CPVL: variants seen among roughly 807,000 people sequenced by gnomAD.
The protein encoded by CPVL is probable serine carboxypeptidase CPVL.
CPVL carries 51 observed loss-of-function variants against 63.7 expected under a neutral mutation model. The ratio of observed to expected loss-of-function variants is 0.80; its 90% CI spans 0.64 to 1.01. The LOEUF (loss-of-function observed/expected upper bound fraction) is 1.01, where lower values mean the gene tolerates loss of function less well. Among genes scored for constraint, CPVL ranks in the 50% least tolerant of loss-of-function variants. The pLI, the probability that CPVL is intolerant of heterozygous loss-of-function variation, is 0.00. For missense variants in CPVL, 530 were observed against 573.1 expected, an observed-to-expected ratio of 0.92 and a Z score of 0.77; for synonymous variants, 195 against 206.0, an observed-to-expected ratio of 0.95 and a Z score of 0.46.
chr7:29,194,461 G>A, intron 1 of CPVL: 1 of 155,546 alleles, frequency 6.4e-6, no homozygotes, highest in Non-Finnish European at 1.4e-5. Flanking sequence ...GGAGAAGGGG[G>A]AGGTCGCTCT....
intron 2 of CPVL, among the ~76,000 whole-genome samples, chr7:29,119,342 C>T (rs1264395947): frequency 6.6e-6 from 1 of 152,122 alleles, no homozygotes; most frequent in African/African-American, 2.4e-5. Flanking sequence ...TAAAAATTAG[C>T]CGGGCGTGGT....
At chr7:29,057,872 C>T (rs559479965) in intron 11 of CPVL, among the ~76,000 whole-genome samples, 33 of 152,224 alleles carry the variant, frequency 2.2e-4, no homozygotes, top group African/African-American at 6.5e-4. Context: ...TTTGCCTATT[C>T]TTTTGCCAAT....
At chr7:29,126,229 G>A (rs1330023310) in intron 1 of CPVL, 1 of 152,142 alleles carries the variant, frequency 6.6e-6, no homozygotes, top group African/African-American at 2.4e-5. Flanking sequence ...TTCCAACTAT[G>A]TGTTCAGTAA....
At chr7:29,010,012 C>A (rs544248865) in intron 12 of CPVL, 1 of 152,168 alleles carries the variant, frequency 6.6e-6, no homozygotes, top group Non-Finnish European at 1.5e-5. Context: ...TTTTTCTTCT[C>A]CCCTACACAG....
chr7:29,112,807 A>G lies in CPVL; in HGVS notation c.185T>C (p.Leu62Ser). 1.9e-6 allele frequency: 3 copies of G among 1,612,828 alleles called. No homozygotes were observed. Among genetic ancestry groups the G allele is most frequent in the Non-Finnish European group, 2.5e-6 (3 of 1,179,216 alleles). ...GTTCAGTCCTGGGAAAGGGCCGACCAAACTCAATTCTCTTCCTAGTGGGGG... is the reference window on the plus strand; with the variant it reads ...GTTCAGTCCTGGGAAAGGGCCGACCGAACTCAATTCTCTTCCTAGTGGGGG... ...GKIQKGRELS[L>S]VGPFPGLNMK... Residue 62 changes from leucine to serine, a missense_variant, in exon 3 of 13, where the codon TTG (leucine) becomes TCG (serine). Leu to Ser is a moderately radical substitution (Grantham distance 145). Coordinates refer to ENST00000265394, the MANE Select transcript of CPVL (RefSeq NM_031311.5).
At position 29,066,085 on chromosome 7, in the gene CPVL, C is replaced by G. The variant is rs1490147673; in HGVS notation, c.901G>C (p.Asp301His). The change falls in exon 10 of 13, where the codon GAT becomes CAT. Residue 301 changes from aspartate (D) to histidine (H), a missense_variant. Physicochemically the swap from Asp to His is moderately conservative, Grantham distance 81 (BLOSUM62 -1). Transcript: ENST00000265394. ...DKLLDGDLTS[D>H]PSYFQNVTGC... Reference sequence around the variant, plus strand: ...GTAACATTCTGGAAGTAAGAAGGATCACTTGTTAAGTCGCCATCTAGTAGT... The same window carrying G: ...GTAACATTCTGGAAGTAAGAAGGATGACTTGTTAAGTCGCCATCTAGTAGT... 1 of 1,606,690 alleles carries G rather than the reference C, an allele frequency of 6.2e-7. No homozygotes were observed. The highest frequency in any genetic ancestry group is 2.2e-5 in the East Asian group (1 of 44,564).
At chr7:29,051,950 A>ATG (rs1790212921) in intron 11 of CPVL, among the ~76,000 whole-genome samples, 1 of 149,326 alleles carries the variant, frequency 6.7e-6, no homozygotes, top group Non-Finnish European at 1.5e-5. Flanking sequence ...ATATATGAAT[A>ATG]TATATATATG....
intron 12 of CPVL, among the ~76,000 whole-genome samples, chr7:29,004,372 T>C (rs1342897838): frequency 6.6e-6 from 1 of 152,138 alleles, no homozygotes; most frequent in African/African-American, 2.4e-5. Flanking sequence ...GTTAGCCTTA[T>C]TTCACCAGAT....
intron 3 of CPVL, among the ~76,000 whole-genome samples, chr7:29,100,056 C>T (rs1786936068): frequency 1.3e-5 from 2 of 152,212 alleles, no homozygotes; most frequent in Admixed American, 1.3e-4. Context: ...CAGATCCACT[C>T]ACCAGTACTG....
intron 1 of CPVL, chr7:29,193,240 G>A (rs1375815785): frequency 6.6e-6 from 1 of 152,090 alleles, no homozygotes; most frequent in East Asian, 1.9e-4. Context: ...AGACACACTG[G>A]GATAGTATCC....
At chr7:29,101,396 C>G (rs1025690293) in intron 3 of CPVL, among the ~76,000 whole-genome samples, 1 of 151,992 alleles carries the variant, frequency 6.6e-6, no homozygotes, top group Non-Finnish European at 1.5e-5. Context: ...GTCAGGAGAT[C>G]GAAACCATCC....
chr7:29,007,129 A>G (rs571900324), intron 12 of CPVL, among the ~76,000 whole-genome samples: 1 of 152,340 alleles, frequency 6.6e-6, no homozygotes, highest in Non-Finnish European at 1.5e-5. Flanking sequence ...TTAAATTTCA[A>G]TAGATGATTA....
intron 3 of CPVL, among the ~76,000 whole-genome samples, chr7:29,099,732 C>T (rs1786884890): frequency 6.6e-6 from 1 of 152,120 alleles, no homozygotes; most frequent in Non-Finnish European, 1.5e-5. Flanking sequence ...AATAATAAGT[C>T]AAAGCAGAAA....
intron 7 of CPVL, chr7:29,080,297 C>T (rs1846488): frequency 0.14 from 21,488 of 152,144 alleles, 1,865 homozygotes; most frequent in Admixed American, 0.22. Flanking sequence ...CAGTGGCTTA[C>T]ATCTGTAATC....
intron 1 of CPVL, among the ~76,000 whole-genome samples, chr7:29,143,297 G>T (rs1792099285): frequency 6.6e-6 from 1 of 152,148 alleles, no homozygotes; most frequent in Admixed American, 6.5e-5. Flanking sequence ...GCTTTGCTGA[G>T]CAAACCTCCA....
chr7:29,135,018 A>T (rs1356351778), intron 1 of CPVL, among the ~76,000 whole-genome samples: 1 of 151,318 alleles, frequency 6.6e-6, no homozygotes, highest in Non-Finnish European at 1.5e-5. Flanking sequence ...TGGGAGGATC[A>T]CTTGGGCCCC....
chr7:29,176,591 G>GAAAAGGATT (rs1797376147), intron 5 of CPVL, among the ~76,000 whole-genome samples: 2 of 152,096 alleles, frequency 1.3e-5, no homozygotes, highest in African/African-American at 4.8e-5. Context: ...TTACTACTAA[G>GAAAAGGATT]ACACCCTTAC....
At chr7:29,037,146 T>C (rs549324927) in intron 11 of CPVL, among the ~76,000 whole-genome samples, 3 of 152,334 alleles carry the variant, frequency 2.0e-5, no homozygotes, top group Non-Finnish European at 4.4e-5. Context: ...GTTATGTGCA[T>C]AAACTCTATG....
chr7:29,191,233 G>A (rs924616394), intron 1 of CPVL, among the ~76,000 whole-genome samples: 7 of 152,124 alleles, frequency 4.6e-5, no homozygotes, highest in African/African-American at 9.7e-5. Context: ...GGCCAAGCCC[G>A]CTATTAATGG....
Sources: allele counts gnomAD v4.1 joint callset (sites outside exome capture counted in the v4.1 genomes callset), GRCh38; gene constraint gnomAD v4.1.1; transcripts MANE v1.5; gene names NCBI Gene and HGNC (gene_info 2026-07-23, HGNC 2026-07-21).